SLC6A6: variants seen among roughly 807,000 people sequenced by gnomAD.
SLC6A6 encodes the protein solute carrier family 6 member 6, also known as sodium- and chloride-dependent taurine transporter.
SLC6A6 carries 16 observed loss-of-function variants against 68.8 expected under a neutral mutation model. The observed-to-expected ratio is 0.23, with a 90% CI of 0.16 to 0.35. The LOEUF is 0.35. Among genes scored for constraint, SLC6A6 ranks in the 10% least tolerant of loss-of-function variants. The pLI is 1.00. For missense variants in SLC6A6, 474 were observed against 802.8 expected (o/e 0.59, Z 4.95); for synonymous variants, 312 against 315.4 (o/e 0.99, Z 0.12).
Position 14,461,295 on chromosome 3 carries a change from G to A in SLC6A6, c.732+3213G>A, listed in dbSNP as rs531046068. 2.2e-3 allele frequency among the ~76,000 whole-genome samples: 337 copies of A among 152,192 alleles called. 1 individual carries two copies. Among genetic ancestry groups the A allele is most frequent in the Non-Finnish European group, 4.1e-3 (276 of 68,026 alleles). The stretch of plus-strand genomic sequence containing the variant: ...CCATTTTACAGATGGGGAAATTCAG[G>A]TTCAAGGAGGCTCATTACCTTGCCC... On this transcript the variant is annotated intron_variant, in intron 6 of 14. Coordinates refer to ENST00000622186, the MANE Select transcript of SLC6A6 (RefSeq NM_003043.6).
chr3:14,453,470 TTCTA>T (rs1297542635), intron 5 of SLC6A6, among the ~76,000 whole-genome samples: 2 of 152,194 alleles, frequency 1.3e-5, no homozygotes, highest in African/African-American at 4.8e-5. Context: ...CATGGCTGAT[TTCTA>T]TCTGAGTGAT....
chr3:14,454,250 T>C lies in SLC6A6; in HGVS notation c.600-3700T>C, dbSNP rs547607515. Among the ~76,000 whole-genome samples, 14 of 150,850 alleles carry C rather than the reference T, an allele frequency of 9.3e-5. No individual in the cohort carries two copies. In the East Asian group the frequency reaches 2.7e-3, roughly 29 times the overall value. On this transcript the variant is annotated intron_variant, in intron 5 of 14. Coordinates refer to ENST00000622186, the MANE Select transcript of SLC6A6 (RefSeq NM_003043.6). ...ACGAAGAGGCTGCTGGAAATCATCC[T>C]GGGGGCGTCAGGGGCCTGGACAGGG...
intron 2 of SLC6A6, among the ~76,000 whole-genome samples, chr3:14,440,746 C>CT (rs1264980782): frequency 2.0e-5 from 3 of 152,256 alleles, no homozygotes; most frequent in Admixed American, 2.0e-4. Context: ...CAGGAATGTA[C>CT]AGGCGGGTCT....
At chr3:14,407,865 G>A (rs540966821) in intron 1 of SLC6A6, among the ~76,000 whole-genome samples, 4 of 152,078 alleles carry the variant, frequency 2.6e-5, no homozygotes, top group Non-Finnish European at 5.9e-5. Context: ...CATATAAATG[G>A]ACTTATTTAG....
chr3:14,416,198 A>G (rs1441380521), intron 1 of SLC6A6, among the ~76,000 whole-genome samples: 1 of 151,964 alleles, frequency 6.6e-6, no homozygotes, highest in African/African-American at 2.4e-5. Flanking sequence ...ATATGATTAC[A>G]CTTGTGTCTG....
chr3:14,432,228 T>G (rs1699741415), intron 2 of SLC6A6, among the ~76,000 whole-genome samples: 1 of 152,216 alleles, frequency 6.6e-6, no homozygotes. Context: ...GTCAAGGAAA[T>G]GGCAACCAAC....
At chr3:14,479,501 A>G (rs998802931) in intron 13 of SLC6A6, among the ~76,000 whole-genome samples, 4 of 152,228 alleles carry the variant, frequency 2.6e-5, no homozygotes, top group African/African-American at 7.2e-5. Context: ...CAGGGGATCC[A>G]GAATTGAAAG....
Position 14,477,325 on chromosome 3 carries a change from C to A in SLC6A6, c.1330C>A (p.Leu444Met). ...FVCSISYLLG[L>M]TMVTEGGMYV... ...GTGTAGCATCAGCTACCTGCTGGGG[C>A]TGACGATGGTGACGGAGGTAGGTGG... Residue 444 changes from leucine (L) to methionine (M), a missense_variant, in exon 11 of 15, where the codon CTG becomes ATG. This residue lies in a region of SLC6A6 where 194 missense variants were observed against 269.8 expected (regional missense o/e 0.72). Coordinates refer to ENST00000622186, the MANE Select transcript of SLC6A6 (RefSeq NM_003043.6). The surrounding 1 kb of genome is among the most constrained non-coding windows in gnomAD (Gnocchi z 4.2). 1 of 1,614,138 alleles carries A rather than the reference C, an allele frequency of 6.2e-7. No homozygotes were observed. Among genetic ancestry groups the A allele is most frequent in the Non-Finnish European group, 8.5e-7 (1 of 1,179,980 alleles).
rs1297793202 is a variant in SLC6A6, at chr3:14,472,034, G to A, written c.1097-171G>A. Among the ~76,000 whole-genome samples, 2 of 152,062 alleles carry A rather than the reference G, an allele frequency of 1.3e-5. No homozygotes were observed. Among genetic ancestry groups the A allele is most frequent in the Admixed American group, 6.6e-5 (1 of 15,264 alleles). Reference sequence around the variant, plus strand: ...AACCGGGCCCCTCCTGAGCCCCAGCGTGTCCCACCCAAAGGCGAGACAGGC... The same window carrying A: ...AACCGGGCCCCTCCTGAGCCCCAGCATGTCCCACCCAAAGGCGAGACAGGC... On this transcript the variant is annotated intron_variant, in intron 9 of 14. Coordinates refer to ENST00000622186, the MANE Select transcript of SLC6A6 (RefSeq NM_003043.6). The surrounding 1 kb of genome is among the most constrained non-coding windows in gnomAD (Gnocchi z 4.5).
intron 1 of SLC6A6, among the ~76,000 whole-genome samples, chr3:14,414,384 G>A (rs1264355589): frequency 6.6e-6 from 1 of 152,208 alleles, no homozygotes; most frequent in Non-Finnish European, 1.5e-5. Flanking sequence ...CACCTAGGAG[G>A]AGGAGGTGGG....
chr3:14,454,002 G>A lies in SLC6A6; in HGVS notation c.600-3948G>A, dbSNP rs555405930. On this transcript the variant is annotated intron_variant, in intron 5 of 14. Transcript: ENST00000622186. ...TAGGGCTTGGGCGCCCGCACCCGCA[G>A]CCTGCCCAGAACACTTCCCCTTTAC... Among the ~76,000 whole-genome samples, 6 of 152,328 alleles carry A rather than the reference G, an allele frequency of 3.9e-5. No individual in the cohort carries two copies. The East Asian group carries it at 5.8e-4, about 15-fold the overall frequency.
At chr3:14,455,900 T>C (rs1396381814) in intron 5 of SLC6A6, among the ~76,000 whole-genome samples, 1 of 152,146 alleles carries the variant, frequency 6.6e-6, no homozygotes, top group Non-Finnish European at 1.5e-5. Context: ...TCCCAGCATA[T>C]AGCAGAGGAC....
chr3:14,445,280 G>C (rs1016658895), intron 3 of SLC6A6, among the ~76,000 whole-genome samples: 2 of 152,050 alleles, frequency 1.3e-5, no homozygotes, highest in African/African-American at 4.8e-5. Flanking sequence ...AATTAGCCGG[G>C]CGTGGTGGCG....
chr3:14,474,941 T>A (rs532437927), intron 10 of SLC6A6, among the ~76,000 whole-genome samples: 7 of 152,360 alleles, frequency 4.6e-5, no homozygotes, highest in African/African-American at 1.7e-4. Context: ...AGAGCCATCA[T>A]ACTGCTGCGC....
At chr3:14,406,690 G>A (rs905823853) in intron 1 of SLC6A6, among the ~76,000 whole-genome samples, 4 of 152,204 alleles carry the variant, frequency 2.6e-5, no homozygotes, top group African/African-American at 7.2e-5. Flanking sequence ...CCTGGTCAGA[G>A]GCTTCATTTG....
At position 14,463,684 on chromosome 3, in the gene SLC6A6, C is replaced by G. The variant is rs558304497; in HGVS notation, c.733-2832C>G. Among the ~76,000 whole-genome samples, 46 of 152,344 alleles carry G rather than the reference C, an allele frequency of 3.0e-4. No homozygotes were observed. In the South Asian group the frequency reaches 7.1e-3, roughly 23 times the overall value. On this transcript the variant is annotated intron_variant, in intron 6 of 14. Transcript: ENST00000622186. The stretch of plus-strand genomic sequence containing the variant: ...TTTTCTTTTTTCACTTCTTTCCCCC[C>G]TTCTGTGGCTTCCTGATGTGCCCCC...
In SLC6A6 at chr3:14,466,580, C is replaced by T. The variant is rs1471241843; in HGVS notation, c.797C>T (p.Thr266Met). The part of the protein sequence containing the change: ...MLLVLLVRGL[T>M]LPGAGAGIKF... ...CTGGTGCTGCTGGTCCGAGGGCTGA[C>T]GCTGCCGGGCGCGGGCGCAGGCATC... is the stretch of plus-strand genomic sequence containing the variant. The change falls in exon 7 of 15, where the codon ACG (threonine) becomes ATG (methionine). Residue 266 changes from threonine to methionine, a missense_variant. Coordinates refer to ENST00000622186, the MANE Select transcript of SLC6A6 (RefSeq NM_003043.6). 11 of 1,613,682 alleles carry T rather than the reference C, an allele frequency of 6.8e-6. No individual in the cohort carries two copies. The highest frequency in any genetic ancestry group is 1.1e-5 in the South Asian group (1 of 91,064).
At chr3:14,413,696 C>T (rs1319864555) in intron 1 of SLC6A6, among the ~76,000 whole-genome samples, 1 of 152,058 alleles carries the variant, frequency 6.6e-6, no homozygotes, top group East Asian at 1.9e-4. Context: ...TGGCTGTGTG[C>T]CTGGGGCCGG....
At chr3:14,479,231 G>C (rs1002643618) in intron 13 of SLC6A6, 46 bp downstream of exon 13, 27 of 1,171,812 alleles carry the variant, frequency 2.3e-5, no homozygotes, top group Non-Finnish European at 3.5e-5. Flanking sequence ...CTTCTCCCTG[G>C]GGCTTGACAT....
Sources: gnomAD v4.1 joint callset for allele counts (sites outside exome capture counted in the v4.1 genomes callset) on GRCh38, gnomAD v4.1.1 for gene constraint, gnomAD v4.1.1 regional missense constraint, Gnocchi (gnomAD v3.1) non-coding constraint, MANE v1.5 for transcripts, NCBI Gene and HGNC (gene_info 2026-07-23, HGNC 2026-07-21) for gene names.